The following PRKG1 variants were observed in gnomAD, a reference collection of about 807,000 sequenced individuals.
The protein encoded by PRKG1 is cGMP-dependent protein kinase 1.
PRKG1 carries 35 observed loss-of-function variants against 88.1 expected under a neutral mutation model. The observed-to-expected ratio is 0.40, with a 90% CI of 0.30 to 0.53. The LOEUF is 0.53. PRKG1 is among the 20% of genes least tolerant of loss of function. PRKG1 has a pLI of 0.59. For synonymous variants in PRKG1, 303 were observed against 292.5 expected, an observed-to-expected ratio of 1.04 and a Z score of -0.37; for missense variants, 540 against 839.8, an observed-to-expected ratio of 0.64 and a Z score of 4.41.
intron 2 of PRKG1, among the ~76,000 whole-genome samples, chr10:51,301,038 C>A (rs1349797032): frequency 6.6e-6 from 1 of 152,078 alleles, no homozygotes; most frequent in Non-Finnish European, 1.5e-5. Flanking sequence ...TCTTCTCATG[C>A]CAGTTAACTC....
rs117294511 is a variant in PRKG1 at position 51,241,993 on chromosome 10, A to G, written c.478+88663A>G. On this transcript the variant is annotated intron_variant, in intron 2 of 17. Transcript: ENST00000373980. ...CTGGAACAATAAAAAAAAAAAAAAG[A>G]TGAATAATGTAACAGTCTGGCTTGA... 3.5e-4 allele frequency among the ~76,000 whole-genome samples: 53 copies of G among 151,938 alleles called. No individual in the cohort carries two copies. The East Asian group carries it at 9.8e-3, about 28-fold the overall frequency.
intron 3 of PRKG1, among the ~76,000 whole-genome samples, chr10:51,575,229 G>T (rs1837855096): frequency 6.6e-6 from 1 of 151,860 alleles, no homozygotes; most frequent in African/African-American, 2.4e-5. Context: ...TACAGTATTT[G>T]TCATCACCTT....
At chr10:51,281,309 A>G (rs1215364618) in intron 2 of PRKG1, among the ~76,000 whole-genome samples, 2 of 152,198 alleles carry the variant, frequency 1.3e-5, no homozygotes, top group Non-Finnish European at 2.9e-5. Flanking sequence ...CTAGGGGGTC[A>G]GGGACCCAGT....
intron 3 of PRKG1, among the ~76,000 whole-genome samples, chr10:51,701,622 A>G (rs1841469307): frequency 6.6e-6 from 1 of 152,054 alleles, no homozygotes; most frequent in African/African-American, 2.4e-5. Context: ...AGACAAATCT[A>G]TTTTTCTTCC....
chr10:52,136,559 C>G (rs1837429178), intron 8 of PRKG1, among the ~76,000 whole-genome samples: 1 of 151,964 alleles, frequency 6.6e-6, no homozygotes, highest in Non-Finnish European at 1.5e-5. Flanking sequence ...GTGGTCAAAG[C>G]TCAATACTTG....
intron 6 of PRKG1, among the ~76,000 whole-genome samples, chr10:52,058,428 T>C (rs1166833865): frequency 6.6e-6 from 1 of 152,026 alleles, no homozygotes; most frequent in Admixed American, 6.6e-5. Context: ...TAACATCCAT[T>C]CATAATAAAA....
At chr10:51,984,986 G>T (rs192430668) in intron 5 of PRKG1, among the ~76,000 whole-genome samples, 1 of 152,134 alleles carries the variant, frequency 6.6e-6, no homozygotes, top group Non-Finnish European at 1.5e-5. Context: ...AAGAAAAGTT[G>T]CATATTAGAT....
chr10:51,122,298 C>T (rs1845277859), intron 1 of PRKG1, among the ~76,000 whole-genome samples: 2 of 152,200 alleles, frequency 1.3e-5, no homozygotes, highest in South Asian at 4.1e-4. Context: ...ATGCATCATG[C>T]CCTTCTCCCA....
chr10:51,463,392 C>CAA (rs2132803825), intron 2 of PRKG1, among the ~76,000 whole-genome samples: 1 of 152,202 alleles, frequency 6.6e-6, no homozygotes, highest in East Asian at 1.9e-4. Flanking sequence ...ATTTGTTTTA[C>CAA]CCTCTTTGCC....
intron 3 of PRKG1, among the ~76,000 whole-genome samples, chr10:51,775,948 G>T (rs148821622): frequency 6.6e-6 from 1 of 151,926 alleles, no homozygotes; most frequent in South Asian, 2.1e-4. Flanking sequence ...ATTTTCTCAC[G>T]TTCTGTTTCC....
At chr10:52,036,273 T>C (rs2133219921) in intron 5 of PRKG1, among the ~76,000 whole-genome samples, 1 of 151,822 alleles carries the variant, frequency 6.6e-6, no homozygotes, top group Admixed American at 6.6e-5. Flanking sequence ...GAATAATAGG[T>C]TATAGAGGCA....
chr10:51,717,710 T>C (rs1016867008), intron 3 of PRKG1, among the ~76,000 whole-genome samples: 1 of 151,916 alleles, frequency 6.6e-6, no homozygotes, highest in African/African-American at 2.4e-5. Context: ...CATGTGCCTG[T>C]AGTCCCAGCT....
intron 1 of PRKG1, among the ~76,000 whole-genome samples, chr10:51,126,380 T>G (rs943154956): frequency 7.2e-6 from 1 of 138,088 alleles, no homozygotes; most frequent in Non-Finnish European, 1.5e-5. Flanking sequence ...TTTATAGTAT[T>G]TATATATTTA....
chr10:51,998,334 G>C (rs1408181654), intron 5 of PRKG1, among the ~76,000 whole-genome samples: 1 of 151,874 alleles, frequency 6.6e-6, no homozygotes. Flanking sequence ...TCGTGTGGGA[G>C]CTCCATTCAC....
chr10:51,565,998 C>T (rs187920388), intron 3 of PRKG1, among the ~76,000 whole-genome samples: 8 of 152,144 alleles, frequency 5.3e-5, no homozygotes, highest in Admixed American at 5.2e-4. Flanking sequence ...ATATAGCAGA[C>T]TTATTCCTGG....
chr10:52,100,571 T>C lies in PRKG1; in HGVS notation c.936-33269T>C, dbSNP rs185113893. Among the ~76,000 whole-genome samples the C allele has an allele frequency of 8.1e-3, 1,232 of 152,318 alleles. 14 individuals carry two copies. The highest frequency in any genetic ancestry group is 0.028 in the African/African-American group (1,147 of 41,570). On this transcript the variant is annotated intron_variant, in intron 7 of 17. Coordinates refer to ENST00000373980, the MANE Select transcript of PRKG1 (RefSeq NM_006258.4). ...TGAGCCCAGCCCCTGAGGATCCCTATTGATGATGTTTTAATAAACCTTGAC... is the reference window on the plus strand; with the variant it reads ...TGAGCCCAGCCCCTGAGGATCCCTACTGATGATGTTTTAATAAACCTTGAC...
chr10:52,056,626 T>C (rs965942286), intron 6 of PRKG1, among the ~76,000 whole-genome samples: 3 of 152,164 alleles, frequency 2.0e-5, no homozygotes, highest in Admixed American at 6.6e-5. Context: ...TACTAATATA[T>C]TAGACTCTCT....
intron 3 of PRKG1, among the ~76,000 whole-genome samples, chr10:51,727,652 C>T (rs1388571563): frequency 6.6e-6 from 1 of 152,070 alleles, no homozygotes; most frequent in African/African-American, 2.4e-5. Flanking sequence ...TAAGTCTGTA[C>T]CCTATATCTT....
intron 5 of PRKG1, among the ~76,000 whole-genome samples, chr10:51,941,515 A>G (rs2133030156): frequency 6.6e-6 from 1 of 151,896 alleles, no homozygotes; most frequent in East Asian, 1.9e-4. Flanking sequence ...GGTTAGTTAC[A>G]TATGTATACA....
Sources: allele counts gnomAD v4.1 joint callset (sites outside exome capture counted in the v4.1 genomes callset), GRCh38; gene constraint gnomAD v4.1.1; transcripts MANE v1.5; gene names NCBI Gene and HGNC (gene_info 2026-07-23, HGNC 2026-07-21).